The following TTC23 variants were observed in gnomAD, a reference collection of about 807,000 sequenced individuals.
TTC23 encodes tetratricopeptide repeat protein 23.
TTC23 carries 58 observed loss-of-function variants against 55.1 expected under a neutral mutation model. That is an observed-to-expected ratio of 1.05 (90% CI 0.85 to 1.31). The LOEUF (loss-of-function observed/expected upper bound fraction) is 1.31, where lower values mean the gene tolerates loss of function less well. Among genes scored for constraint, TTC23 ranks in the 50% most tolerant of loss-of-function variants. The pLI is 0.00. For synonymous variants in TTC23, 203 were observed against 199.9 expected, an observed-to-expected ratio of 1.02 and a Z score of -0.13; for missense variants, 516 against 534.4, an observed-to-expected ratio of 0.97 and a Z score of 0.34.
Position 99,175,103 on chromosome 15 carries a change from G to A in TTC23, c.812C>T (p.Ser271Leu), listed in dbSNP as rs748085894. 12 of 1,614,184 alleles carry A rather than the reference G, an allele frequency of 7.4e-6. No homozygotes were observed. Among genetic ancestry groups the A allele is most frequent in the South Asian group, 3.3e-5 (3 of 91,076 alleles). Reference sequence around the variant, plus strand: ...AGCAGCATGGGCGACGATGTGTGCCGAGTCTGCTGCCTCCACTTGAGAGGG... The same window carrying A: ...AGCAGCATGGGCGACGATGTGTGCCAAGTCTGCTGCCTCCACTTGAGAGGG... ...RSPSQVEAAD[S>L]AHIVAHAAVA... The change falls in exon 10 of 14, where the codon TCG (serine) becomes TTG (leucine). Residue 271 changes from serine to leucine, a missense_variant. Ser to Leu is a moderately radical substitution (Grantham distance 145, BLOSUM62 -2). Coordinates refer to ENST00000394132, the MANE Select transcript of TTC23 (RefSeq NM_001288615.3).
chr15:99,207,568 T>C (rs2076723439), intron 8 of TTC23, among the ~76,000 whole-genome samples: 2 of 152,172 alleles, frequency 1.3e-5, no homozygotes, highest in Non-Finnish European at 2.9e-5. Context: ...AAGACCAGCC[T>C]GGCCACGGTG....
intron 9 of TTC23, among the ~76,000 whole-genome samples, chr15:99,182,901 AAAC>A (rs777226526): frequency 8.5e-5 from 13 of 152,164 alleles, no homozygotes; most frequent in Non-Finnish European, 1.5e-4. Context: ...TTTTATAGTG[AAAC>A]AATATGAAAC....
At chr15:99,150,809 T>C (rs1401129147) in intron 12 of TTC23, among the ~76,000 whole-genome samples, 2 of 152,186 alleles carry the variant, frequency 1.3e-5, no homozygotes, top group Non-Finnish European at 2.9e-5. Flanking sequence ...TCTCAGCCCC[T>C]TCACCTGGCA....
At chr15:99,246,013 T>C (rs1307021776) in intron 1 of TTC23, among the ~76,000 whole-genome samples, 2 of 152,034 alleles carry the variant, frequency 1.3e-5, no homozygotes, top group African/African-American at 4.8e-5. Context: ...TTTCACCCTG[T>C]TGGCCAGGCT....
In TTC23 at chr15:99,175,063, T is replaced by A; in HGVS notation, c.852A>T (p.Arg284Ser). The A allele has an allele frequency of 6.2e-7, 1 of 1,613,820 alleles. No individual in the cohort carries two copies. The highest frequency in any genetic ancestry group is 2.2e-5 in the East Asian group (1 of 44,892). Residue 284 changes from arginine to serine, a missense_variant, in exon 10 of 14, where the codon AGA (arginine) becomes AGT (serine). Transcript: ENST00000394132. ...GATTCTTCTCACCATGGTGCTCGTGTCTCCCTGAAGCGACAGCAGCATGGG... is the reference window on the plus strand; with the variant it reads ...GATTCTTCTCACCATGGTGCTCGTGACTCCCTGAAGCGACAGCAGCATGGG... ...IVAHAAVASG[R>S]HEHHDVAEQY...
intron 9 of TTC23, among the ~76,000 whole-genome samples, chr15:99,189,788 A>G (rs543127137): frequency 7.2e-5 from 11 of 152,336 alleles, no homozygotes; most frequent in African/African-American, 2.6e-4. Flanking sequence ...AATGTAATAC[A>G]TGATCCTGGA....
At chr15:99,216,697 G>A (rs893444488) in intron 8 of TTC23, among the ~76,000 whole-genome samples, 1 of 152,180 alleles carries the variant, frequency 6.6e-6, no homozygotes, top group Non-Finnish European at 1.5e-5. Flanking sequence ...TATGCACCAG[G>A]TTGGCAAAGA....
At chr15:99,176,202 C>T (rs1215789060) in intron 9 of TTC23, among the ~76,000 whole-genome samples, 3 of 152,068 alleles carry the variant, frequency 2.0e-5, no homozygotes, top group Admixed American at 6.5e-5. Flanking sequence ...GAGGCATGGG[C>T]TAGAAAGTGT....
intron 4 of TTC23, among the ~76,000 whole-genome samples, chr15:99,233,950 G>C (rs1199601994): frequency 6.6e-6 from 1 of 152,010 alleles, no homozygotes; most frequent in African/African-American, 2.4e-5. Flanking sequence ...CTCAACAAAT[G>C]ATACTGGAAC....
At chr15:99,163,280 T>C (rs1227351516) in intron 10 of TTC23, among the ~76,000 whole-genome samples, 1 of 152,160 alleles carries the variant, frequency 6.6e-6, no homozygotes, top group Non-Finnish European at 1.5e-5. Context: ...GCTGCTGAGA[T>C]GGAGAGGGAT....
chr15:99,212,081 T>C (rs2152027565), intron 8 of TTC23, among the ~76,000 whole-genome samples: 1 of 152,308 alleles, frequency 6.6e-6, no homozygotes, highest in Non-Finnish European at 1.5e-5. Flanking sequence ...TAAAAGTGTT[T>C]ACTCATTCCT....
At chr15:99,188,847 C>G (rs908383280) in intron 9 of TTC23, among the ~76,000 whole-genome samples, 2 of 152,056 alleles carry the variant, frequency 1.3e-5, no homozygotes, top group Admixed American at 1.3e-4. Context: ...CTGGCACTAT[C>G]ATACATTGCT....
Position 99,147,814 on chromosome 15 carries a change from C to T in TTC23, c.1143+8334G>A, listed in dbSNP as rs146351299. Among the ~76,000 whole-genome samples the T allele has an allele frequency of 3.0e-4, 45 of 152,166 alleles. No individual in the cohort carries two copies. The East Asian group carries it at 6.4e-3, about 22-fold the overall frequency. Reference sequence around the variant, plus strand: ...GGCTCTACACATGAAAACAATGTGGCGTGGCGTGGTGGCTCTGTGGGAACT... The same window carrying T: ...GGCTCTACACATGAAAACAATGTGGTGTGGCGTGGTGGCTCTGTGGGAACT... On this transcript the variant is annotated intron_variant, in intron 12 of 13. Transcript: ENST00000394132.
At chr15:99,205,771 C>T (rs2076579363) in intron 8 of TTC23, among the ~76,000 whole-genome samples, 1 of 152,066 alleles carries the variant, frequency 6.6e-6, no homozygotes, top group Non-Finnish European at 1.5e-5. Flanking sequence ...AATTTGAATT[C>T]TTCCCTTCTA....
intron 3 of TTC23, among the ~76,000 whole-genome samples, chr15:99,236,716 G>T (rs899790752): frequency 6.6e-6 from 1 of 151,934 alleles, no homozygotes. Context: ...TGTTTTTGTT[G>T]TTCTAGTTAT....
chr15:99,139,285 A>C, intron 13 of TTC23, 32 bp downstream of exon 13: 1 of 941,340 alleles, frequency 1.1e-6, no homozygotes, highest in South Asian at 1.8e-5. Context: ...AAAGGGAATG[A>C]GATAGAGAAA....
intron 6 of TTC23, among the ~76,000 whole-genome samples, chr15:99,219,607 G>A (rs2077746045): frequency 6.6e-6 from 1 of 152,094 alleles, no homozygotes; most frequent in African/African-American, 2.4e-5. Flanking sequence ...TATGTGGTAA[G>A]AGACTAATAT....
chr15:99,250,111 T>A (rs2080599109), upstream of TTC23, among the ~76,000 whole-genome samples: 1 of 152,208 alleles, frequency 6.6e-6, no homozygotes, highest in South Asian at 2.1e-4. Context: ...CAGCAAGTCT[T>A]ATTATTTGGG....
Position 99,139,345 on chromosome 15 carries a change from TG to T in TTC23, c.1197del (p.Thr400ProfsTer65), listed in dbSNP as rs1327134340. On this transcript the variant is annotated frameshift_variant, in exon 13 of 14. Coordinates refer to ENST00000394132, the MANE Select transcript of TTC23 (RefSeq NM_001288615.3). LOFTEE classifies it high-confidence loss of function. ...GACAGCATGCCCATGGCCTGCTGGG[TG>T]GCCAGAGTCCTTTTGTCCTGCGGTC... ...LYGPQDKRTL[A>X]TQQAMGMLST... 1 of 1,613,676 alleles carries T rather than the reference TG, an allele frequency of 6.2e-7. No homozygotes were observed. The highest frequency in any genetic ancestry group is 8.5e-7 in the Non-Finnish European group (1 of 1,180,030).
Sources: allele counts gnomAD v4.1 joint callset (sites outside exome capture counted in the v4.1 genomes callset), GRCh38; gene constraint gnomAD v4.1.1; transcripts MANE v1.5; gene names NCBI Gene and HGNC (gene_info 2026-07-23, HGNC 2026-07-21).